The following GREB1L variants were observed in gnomAD, a reference collection of about 807,000 sequenced individuals.
GREB1L encodes GREB1-like protein.
Under a neutral mutation model 200.8 loss-of-function variants are expected in GREB1L, and 17 were observed. The ratio of observed to expected loss-of-function variants is 0.08; its 90% confidence interval spans 0.06 to 0.13. The LOEUF is 0.13. Ranked by LOEUF, GREB1L falls within the 10% of genes least tolerant of loss-of-function variation. GREB1L has a pLI of 1.00. For missense variants in GREB1L, 1,657 were observed against 2,367.7 expected (o/e 0.70, Z 6.23); for synonymous variants, 789 against 893.0 (o/e 0.88, Z 2.08).
rs550226555 is a variant in GREB1L, at chr18:21,302,478, A to AG, written c.-120+60085_-120+60086insG. On this transcript the variant is annotated intron_variant, in intron 1 of 32. Coordinates refer to ENST00000424526, the MANE Select transcript of GREB1L (RefSeq NM_001142966.3). ...GTGGGTTTTGTAAGGTGGAAAAAAA[A>AG]TAGAACAATAGAGAGGGAAAGCTGA... Among the ~76,000 whole-genome samples, 11 of 152,322 alleles carry AG rather than the reference A, an allele frequency of 7.2e-5. No homozygotes were observed. In the East Asian group the frequency reaches 2.1e-3, roughly 29 times the overall value.
At chr18:21,424,850 A>G (rs2032436042) in intron 7 of GREB1L, among the ~76,000 whole-genome samples, 1 of 151,992 alleles carries the variant, frequency 6.6e-6, no homozygotes, top group African/African-American at 2.4e-5. Flanking sequence ...GGCAACCACA[A>G]ATCTGTTTTC....
At chr18:21,343,189 T>C (rs2039293149) in intron 1 of GREB1L, among the ~76,000 whole-genome samples, 1 of 152,134 alleles carries the variant, frequency 6.6e-6, no homozygotes, top group African/African-American at 2.4e-5. Context: ...AGATGATGTT[T>C]TATATTCTTC....
intron 1 of GREB1L, among the ~76,000 whole-genome samples, chr18:21,287,288 C>T (rs2038373748): frequency 6.6e-6 from 1 of 152,138 alleles, no homozygotes; most frequent in African/African-American, 2.4e-5. Context: ...GAATTGCATA[C>T]TCCACACTAT....
chr18:21,267,036 C>T (rs1182041831), intron 1 of GREB1L, among the ~76,000 whole-genome samples: 2 of 151,976 alleles, frequency 1.3e-5, no homozygotes, highest in Non-Finnish European at 2.9e-5. Flanking sequence ...TGGGTTTAAG[C>T]GATTCTCCTA....
rs1188363980 is a variant in GREB1L, at chr18:21,500,315, A to G, written c.3969+9A>G. On this transcript the variant is annotated intron_variant, in intron 22 of 32. Coordinates refer to ENST00000424526, the MANE Select transcript of GREB1L (RefSeq NM_001142966.3). ...TGACAGGGCCCCCACAGGTAGGGCCAAGCCAGCCGGGGCCGTTTCTTAGGC... is the reference window on the plus strand; with the variant it reads ...TGACAGGGCCCCCACAGGTAGGGCCGAGCCAGCCGGGGCCGTTTCTTAGGC... 2 of 1,141,528 alleles carry G rather than the reference A, an allele frequency of 1.8e-6. No homozygotes were observed. The highest frequency in any genetic ancestry group is 2.5e-6 in the Non-Finnish European group (2 of 788,508). The allele number at this position is 1,141,528 out of a possible 1,614,324, so 70.7% of individuals were successfully genotyped here.
In GREB1L at chr18:21,489,282, G is replaced by T. The variant is rs180826079; in HGVS notation, c.2691-730G>T. ...CTCAGATTTGCTTGGCTCCCTTGAC[G>T]GAGCCAGGTCTCAGGTGATGAGGCT... On this transcript the variant is annotated intron_variant, in intron 18 of 32. Coordinates refer to ENST00000424526, the MANE Select transcript of GREB1L (RefSeq NM_001142966.3). 2.0e-5 allele frequency among the ~76,000 whole-genome samples: 3 copies of T among 152,242 alleles called. No homozygotes were observed. The East Asian group carries it at 5.8e-4, about 30-fold the overall frequency.
intron 7 of GREB1L, among the ~76,000 whole-genome samples, chr18:21,433,827 T>C (rs1041586813): frequency 9.9e-5 from 15 of 152,206 alleles, no homozygotes; most frequent in African/African-American, 3.6e-4. Context: ...TGACAGTCCC[T>C]TTTGACACTT....
chr18:21,518,064 C>G lies in GREB1L; in HGVS notation c.5302C>G (p.Leu1768Val). ...VSESLAPILP[L>V]QYICAPDSEH... is the part of the protein sequence containing the mutation. ...AGAGAGCTTAGCACCCATCTTGCCC[C>G]TTCAATACATCTGTGCTCCCGACAG... is the stretch of plus-strand genomic sequence containing the variant. The change falls in exon 31 of 33, where the codon CTT (leucine) becomes GTT (valine). Residue 1768 changes from leucine to valine, a missense_variant. This residue lies in a region of GREB1L where 190 missense variants were observed against 230.2 expected (regional missense o/e 0.83). Coordinates refer to ENST00000424526, the MANE Select transcript of GREB1L (RefSeq NM_001142966.3). 6.4e-7 allele frequency: 1 copy of G among 1,551,658 alleles called. No homozygotes were observed. Among genetic ancestry groups the G allele is most frequent in the Non-Finnish European group, 8.7e-7 (1 of 1,146,964 alleles).
rs541580881 is a variant in GREB1L, at chr18:21,488,265, C to T, written c.2691-1747C>T. On this transcript the variant is annotated intron_variant, in intron 18 of 32. Transcript: ENST00000424526. ...GAGCCAAGATTGCACTACTGCACTC[C>T]AGCCTGGGTGACAGAGCGGGACTCT... 1.7e-4 allele frequency among the ~76,000 whole-genome samples: 26 copies of T among 152,270 alleles called. No homozygotes were observed. The South Asian group carries it at 5.0e-3, about 29-fold the overall frequency.
At chr18:21,341,393 C>T (rs768051633) in intron 1 of GREB1L, among the ~76,000 whole-genome samples, 4 of 152,184 alleles carry the variant, frequency 2.6e-5, no homozygotes, top group South Asian at 2.1e-4. Context: ...GACTCAGCCA[C>T]AAGCTTCTTG....
intron 1 of GREB1L, among the ~76,000 whole-genome samples, chr18:21,281,106 G>C (rs2038261833): frequency 6.6e-6 from 1 of 152,212 alleles, no homozygotes; most frequent in South Asian, 2.1e-4. Context: ...ATAGTTGCCT[G>C]CCTGGAAGTG....
intron 31 of GREB1L, among the ~76,000 whole-genome samples, chr18:21,519,872 C>G (rs1164096900): frequency 1.3e-5 from 2 of 152,048 alleles, no homozygotes; most frequent in Non-Finnish European, 2.9e-5. Flanking sequence ...TTGCAGTTAT[C>G]ATCTGTTCAC....
chr18:21,426,536 C>G (rs2032591423), intron 7 of GREB1L, among the ~76,000 whole-genome samples: 1 of 152,184 alleles, frequency 6.6e-6, no homozygotes, highest in Non-Finnish European at 1.5e-5. Flanking sequence ...TCTCTGGACT[C>G]TCAGTGTTAT....
At chr18:21,388,790 G>T (rs1311314945) in intron 4 of GREB1L, among the ~76,000 whole-genome samples, 2 of 151,870 alleles carry the variant, frequency 1.3e-5, no homozygotes, top group Non-Finnish European at 2.9e-5. Flanking sequence ...CCTTGTTTTT[G>T]ATGACCTTGG....
At position 21,372,213 on chromosome 18, in the gene GREB1L, A is replaced by G. The variant is rs569122994; in HGVS notation, c.-10+6077A>G. Among the ~76,000 whole-genome samples, 2 of 149,352 alleles carry G rather than the reference A, an allele frequency of 1.3e-5. 1 individual carries two copies. Among genetic ancestry groups the G allele is most frequent in the African/African-American group, 5.0e-5 (2 of 40,290 alleles). On this transcript the variant is annotated intron_variant, in intron 2 of 32. Transcript: ENST00000424526. Reference sequence around the variant, plus strand: ...GCCCAGGCTGGAGTTCAATGGCATGATCTCGGCTCACTGCAACCTCCGCCT... The same window carrying G: ...GCCCAGGCTGGAGTTCAATGGCATGGTCTCGGCTCACTGCAACCTCCGCCT...
chr18:21,458,320 C>G (rs946161719), intron 15 of GREB1L, among the ~76,000 whole-genome samples: 8 of 152,130 alleles, frequency 5.3e-5, no homozygotes, highest in Non-Finnish European at 1.2e-4. Flanking sequence ...TTTCATGCCT[C>G]TCTTGGGCCT....
In GREB1L at chr18:21,341,513, C is replaced by T. The variant is rs535880446; in HGVS notation, c.-119-24514C>T. 5.3e-5 allele frequency among the ~76,000 whole-genome samples: 8 copies of T among 152,278 alleles called. No individual in the cohort carries two copies. In the East Asian group the frequency reaches 9.7e-4, roughly 18 times the overall value. ...CAGCTTCCAGGGTAGCTGGGACTAT[C>T]GGCATACACCACCACACACAGATAA... On this transcript the variant is annotated intron_variant, in intron 1 of 32. Transcript: ENST00000424526.
chr18:21,503,686 C>T (rs1216050604), intron 23 of GREB1L, among the ~76,000 whole-genome samples: 1 of 151,422 alleles, frequency 6.6e-6, no homozygotes, highest in East Asian at 2.0e-4. Context: ...AGGCGATTCT[C>T]CTGCCTCAGC....
intron 15 of GREB1L, among the ~76,000 whole-genome samples, chr18:21,455,342 A>ACACG (rs780707604): frequency 6.7e-6 from 1 of 149,440 alleles, no homozygotes; most frequent in Non-Finnish European, 1.5e-5. Flanking sequence ...ACACACACAC[A>ACACG]CGCAGATTTT....
Sources: allele counts gnomAD v4.1 joint callset (sites outside exome capture counted in the v4.1 genomes callset), GRCh38; gene constraint gnomAD v4.1.1; regional missense constraint gnomAD v4.1.1; transcripts MANE v1.5; gene names NCBI Gene and HGNC (gene_info 2026-07-23, HGNC 2026-07-21).